The following CHRNA3 variants were observed in gnomAD, a reference collection of about 807,000 sequenced individuals.
The protein encoded by CHRNA3 is neuronal acetylcholine receptor subunit alpha-3.
A neutral mutation model predicts 41.9 loss-of-function variants in CHRNA3; 34 were observed. That is an observed-to-expected ratio of 0.81 (90% CI 0.62 to 1.08). The LOEUF (loss-of-function observed/expected upper bound fraction) is 1.08, where lower values mean the gene tolerates loss of function less well. Ranked by LOEUF, CHRNA3 falls within the 50% of genes least tolerant of loss-of-function variation. CHRNA3 has a pLI of 0.00. For synonymous variants in CHRNA3, 281 were observed against 265.2 expected, an observed-to-expected ratio of 1.06 and a Z score of -0.58; for missense variants, 542 against 638.3, an observed-to-expected ratio of 0.85 and a Z score of 1.63.
intron 4 of CHRNA3, among the ~76,000 whole-genome samples, chr15:78,613,784 AACC>A (rs1057233892): frequency 1.4e-4 from 20 of 141,988 alleles, no homozygotes; most frequent in African/African-American, 5.8e-4. Flanking sequence ...AACCAAAAAA[AACC>A]ACAAAAAAAT....
At chr15:78,598,736 A>G (rs1374181210) in intron 5 of CHRNA3, among the ~76,000 whole-genome samples, 1 of 151,730 alleles carries the variant, frequency 6.6e-6, no homozygotes, top group Non-Finnish European at 1.5e-5. Flanking sequence ...ATGGGGTTTT[A>G]TGTTGGCCAG....
rs1555416800 is a variant in CHRNA3, at chr15:78,595,369, C to CTCTCT, written c.*1234_*1235insAGAGA. On this transcript the variant is annotated 3_prime_UTR_variant, in exon 6 of 6. Coordinates refer to ENST00000326828, the MANE Select transcript of CHRNA3 (RefSeq NM_000743.5). ...ACTAGTGAGACAAGATTCAAACAGTCTCTGTGAATCATCTGTCAGTGGTGA... is the reference window on the plus strand; with the variant it reads ...ACTAGTGAGACAAGATTCAAACAGTCTCTCTTCTGTGAATCATCTGTCAGTGGTGA... The CTCTCT allele has an allele frequency of 2.0e-6, 2 of 977,546 alleles. No individual in the cohort carries two copies. The highest frequency in any genetic ancestry group is 2.3e-4 in the East Asian group (2 of 8,810). The allele number at this position is 977,546 out of a possible 1,614,324, so 60.6% of individuals were successfully genotyped here.
In CHRNA3 at chr15:78,611,234, C is replaced by A. The variant is rs200886132; in HGVS notation, c.377+5790G>T. 7.0e-3 allele frequency among the ~76,000 whole-genome samples: 1,072 copies of A among 152,218 alleles called. 13 individuals are homozygous for A. The highest frequency in any genetic ancestry group is 0.041 in the East Asian group (215 of 5,182). ...TAACTCATTTTATGAGGCCAGCATC[C>A]TCCTGATACCAAAGCTGGCAGAGAC... On this transcript the variant is annotated intron_variant, in intron 4 of 5. Coordinates refer to ENST00000326828, the MANE Select transcript of CHRNA3 (RefSeq NM_000743.5).
At chr15:78,617,203 C>CCA in intron 3 of CHRNA3, 70 bp from the exon 4 acceptor site, 1 of 987,852 alleles carries the variant, frequency 1.0e-6, no homozygotes, top group South Asian at 1.4e-5. Flanking sequence ...TCCCGTGGCA[C>CCA]CACCCATCTT....
chr15:78,613,681 T>C (rs1156870668), intron 4 of CHRNA3, among the ~76,000 whole-genome samples: 1 of 149,672 alleles, frequency 6.7e-6, no homozygotes, highest in Non-Finnish European at 1.5e-5. Flanking sequence ...GTAACAAACC[T>C]GCACATTGTG....
chr15:78,614,803 A>G (rs1004507831), intron 4 of CHRNA3, among the ~76,000 whole-genome samples: 3 of 152,240 alleles, frequency 2.0e-5, no homozygotes, highest in Admixed American at 6.5e-5. Flanking sequence ...ACTAACTAGC[A>G]TATTGCAAAA....
chr15:78,597,970 G>A (rs2053138931), intron 5 of CHRNA3, among the ~76,000 whole-genome samples: 1 of 152,152 alleles, frequency 6.6e-6, no homozygotes, highest in South Asian at 2.1e-4. Flanking sequence ...TATTTGCCAT[G>A]AGGTACTTCA....
At chr15:78,606,495 C>T (rs771485678) in intron 4 of CHRNA3, among the ~76,000 whole-genome samples, 10 of 151,484 alleles carry the variant, frequency 6.6e-5, no homozygotes, top group Non-Finnish European at 1.5e-4. Context: ...TGTGAAAGAA[C>T]AGAAATCAGA....
downstream of CHRNA3, chr15:78,593,354 A>C: frequency 8.4e-7 from 1 of 1,193,752 alleles, no homozygotes; most frequent in Non-Finnish European, 1.1e-6. Context: ...ATTTAGTGCA[A>C]GCTTTAACAG....
intron 4 of CHRNA3, among the ~76,000 whole-genome samples, chr15:78,603,285 G>C (rs1047084809): frequency 6.6e-6 from 1 of 152,202 alleles, no homozygotes; most frequent in Non-Finnish European, 1.5e-5. Context: ...AAAGTGCTGA[G>C]ATTACAGGCT....
Position 78,618,615 on chromosome 15 carries a change from A to C in CHRNA3, c.267+2T>G, listed in dbSNP as rs199547652. The stretch of plus-strand genomic sequence containing the variant: ...AGCAGTGCCTAGGGTCTGGTCACTT[A>C]CTTGCTTGAGCCACAGGTTGGTCTC... On this transcript the variant is annotated splice_donor_variant, in intron 3 of 5. Coordinates refer to ENST00000326828, the MANE Select transcript of CHRNA3 (RefSeq NM_000743.5). LOFTEE classifies it high-confidence loss of function. 1 of 1,614,114 alleles carries C rather than the reference A, an allele frequency of 6.2e-7. No homozygotes were observed. Among genetic ancestry groups the C allele is most frequent in the Non-Finnish European group, 8.5e-7 (1 of 1,180,016 alleles).
In CHRNA3 at chr15:78,620,748, C is replaced by T. The variant is rs12906525; in HGVS notation, c.47G>A (p.Arg16Gln). ...AGACAGCAGCAGCAGCAGCAGCAGC[C>T]GCGGCGGCGACAGCGCCAGGGGCAG... The part of the protein sequence containing the change: ...LSLPLALSPP[R>Q]LLLLLLLSLL... The change falls in exon 1 of 6, where the codon CGG (arginine) becomes CAG (glutamine). Residue 16 changes from arginine (R) to glutamine (Q), a missense_variant. Coordinates refer to ENST00000326828, the MANE Select transcript of CHRNA3 (RefSeq NM_000743.5). 1 of 1,488,192 alleles carries T rather than the reference C, an allele frequency of 6.7e-7. No individual in the cohort carries two copies. Among genetic ancestry groups the T allele is most frequent in the Non-Finnish European group, 8.9e-7 (1 of 1,123,538 alleles). 92.2% of individuals were successfully genotyped at this position (1,488,192 alleles called of 1,614,324 possible).
intron 4 of CHRNA3, among the ~76,000 whole-genome samples, chr15:78,613,786 C>CCAAAAAAAA (rs1491007959): frequency 5.3e-5 from 5 of 95,068 alleles, no homozygotes; most frequent in African/African-American, 3.6e-4. Flanking sequence ...CCAAAAAAAA[C>CCAAAAAAAA]CACAAAAAAA....
chr15:78,604,369 G>C (rs533840864), intron 4 of CHRNA3, among the ~76,000 whole-genome samples: 1 of 152,198 alleles, frequency 6.6e-6, no homozygotes, highest in South Asian at 2.1e-4. Context: ...TGACTTGCTC[G>C]AGACTCCACA....
At chr15:78,619,996 G>A (rs1019777788) in intron 1 of CHRNA3, 4 of 152,652 alleles carry the variant, frequency 2.6e-5, no homozygotes, top group Non-Finnish European at 5.8e-5. Flanking sequence ...CAGACCGCCG[G>A]CCTGGGCCCT....
At chr15:78,615,240 G>A (rs1423557090) in intron 4 of CHRNA3, among the ~76,000 whole-genome samples, 3 of 152,316 alleles carry the variant, frequency 2.0e-5, no homozygotes, top group South Asian at 4.2e-4. Flanking sequence ...CCAAGGCCCA[G>A]ACCTTTTCCC....
At position 78,601,371 on chromosome 15, in the gene CHRNA3, C is replaced by T; in HGVS notation, c.1271G>A (p.Ser424Asn). The change falls in exon 5 of 6, where the codon AGT becomes AAT. Residue 424 changes from serine to asparagine, a missense_variant. Ser to Asn is a conservative substitution (Grantham distance 46). Transcript: ENST00000326828. ...CAGCACAGCATCAACAGATTCAGAA[C>T]TAGAGCTTCTCGTGAGGTTAGCACT... ...NFSANLTRSSSSESVDAVLSL... is the reference protein window; with the variant it reads ...NFSANLTRSSNSESVDAVLSL... 6.2e-7 allele frequency: 1 copy of T among 1,614,220 alleles called. No individual in the cohort carries two copies.
At chr15:78,600,497 G>A (rs913592013) in intron 5 of CHRNA3, among the ~76,000 whole-genome samples, 2 of 152,194 alleles carry the variant, frequency 1.3e-5, no homozygotes, top group African/African-American at 4.8e-5. Flanking sequence ...TTGTATACAT[G>A]ATGTAAAAAC....
intron 4 of CHRNA3, among the ~76,000 whole-genome samples, chr15:78,602,590 G>T (rs1025746722): frequency 3.3e-5 from 5 of 152,152 alleles, no homozygotes; most frequent in African/African-American, 1.2e-4. Flanking sequence ...AAAGAAATGG[G>T]AGGAAGGTCA....
Sources: gnomAD v4.1 joint callset for allele counts (sites outside exome capture counted in the v4.1 genomes callset) on GRCh38, gnomAD v4.1.1 for gene constraint, MANE v1.5 for transcripts, NCBI Gene and HGNC (gene_info 2026-07-23, HGNC 2026-07-21) for gene names.